AGAP1: variants seen among roughly 807,000 people sequenced by gnomAD.
AGAP1 encodes ArfGAP with GTPase domain, ankyrin repeat and PH domain 1.
A neutral mutation model predicts 105.3 loss-of-function variants in AGAP1; 29 were observed. The ratio of observed to expected loss-of-function variants is 0.28; its 90% CI spans 0.21 to 0.38. AGAP1 has a LOEUF of 0.38. AGAP1 is among the 10% of genes least tolerant of loss of function. AGAP1 has a pLI of 1.00. For synonymous variants in AGAP1, 509 were observed against 485.9 expected (o/e 1.05, Z -0.63); for missense variants, 998 against 1,165.1 (o/e 0.86, Z 2.09).
intron 13 of AGAP1, among the ~76,000 whole-genome samples, chr2:235,999,099 A>AGAGGTG (rs2055954530): frequency 6.9e-6 from 1 of 143,944 alleles, no homozygotes; most frequent in African/African-American, 2.6e-5. Context: ...GATGATGGTG[A>AGAGGTG]GAGGTGGTGG....
chr2:235,564,523 A>G (rs910245216), intron 1 of AGAP1, among the ~76,000 whole-genome samples: 4 of 152,276 alleles, frequency 2.6e-5, no homozygotes, highest in Non-Finnish European at 1.5e-5. Context: ...TCCACTTTTC[A>G]TCCAGTTCAC....
At position 235,904,830 on chromosome 2, in the gene AGAP1, A is replaced by G. The variant is rs531262248; in HGVS notation, c.1156-3908A>G. The stretch of plus-strand genomic sequence containing the variant: ...TTGGGAGGAACTTGAAGCCACAGAT[A>G]CATGTGTCTTTATCTCCCACCTGTG... On this transcript the variant is annotated intron_variant, in intron 10 of 17. Coordinates refer to ENST00000304032, the MANE Select transcript of AGAP1 (RefSeq NM_001037131.3). The surrounding 1 kb of genome is among the most constrained non-coding windows in gnomAD (Gnocchi z 4.2). Among the ~76,000 whole-genome samples, 1 of 152,210 alleles carries G rather than the reference A, an allele frequency of 6.6e-6. No individual in the cohort carries two copies. The highest frequency in any genetic ancestry group is 1.5e-5 in the Non-Finnish European group (1 of 68,040).
intron 1 of AGAP1, among the ~76,000 whole-genome samples, chr2:235,679,261 A>T (rs921737218): frequency 6.6e-6 from 1 of 152,204 alleles, no homozygotes; most frequent in African/African-American, 2.4e-5. Context: ...GCCCAGCACC[A>T]TATCTTTGCT....
At position 236,009,835 on chromosome 2, in the gene AGAP1, G is replaced by A. The variant is rs73121817; in HGVS notation, c.1646-26726G>A. Among the ~76,000 whole-genome samples the A allele has an allele frequency of 0.021, 3,261 of 152,190 alleles. 116 individuals are homozygous for A. Among genetic ancestry groups the A allele is most frequent in the African/African-American group, 0.075 (3,107 of 41,492 alleles). ...TGACGCGCCTTGGACACACAGCCTCGGCGCTGCATCATTTTTTAATCAGCT... is the reference window on the plus strand; with the variant it reads ...TGACGCGCCTTGGACACACAGCCTCAGCGCTGCATCATTTTTTAATCAGCT... On this transcript the variant is annotated intron_variant, in intron 13 of 17. Coordinates refer to ENST00000304032, the MANE Select transcript of AGAP1 (RefSeq NM_001037131.3). This position sits in a 1 kb window ranked among gnomAD's most constrained non-coding sequence, Gnocchi z 4.2.
chr2:235,858,882 C>G (rs1038507493), intron 9 of AGAP1, among the ~76,000 whole-genome samples: 1 of 152,100 alleles, frequency 6.6e-6, no homozygotes, highest in Non-Finnish European at 1.5e-5. Flanking sequence ...CAAATAATAC[C>G]CCTCATAAAT....
chr2:235,978,571 T>A (rs980561314), intron 13 of AGAP1, among the ~76,000 whole-genome samples: 2 of 152,204 alleles, frequency 1.3e-5, no homozygotes, highest in Non-Finnish European at 2.9e-5. Flanking sequence ...TGAATAAAGT[T>A]GAGTAATTTG....
chr2:235,972,586 C>T (rs1393516495), intron 13 of AGAP1, among the ~76,000 whole-genome samples: 1 of 152,200 alleles, frequency 6.6e-6, no homozygotes, highest in Non-Finnish European at 1.5e-5. Flanking sequence ...ACCTGTCCGG[C>T]TGTGGTGACC....
chr2:235,530,468 G>C (rs1204529329), intron 1 of AGAP1, among the ~76,000 whole-genome samples: 2 of 152,204 alleles, frequency 1.3e-5, no homozygotes, highest in East Asian at 1.9e-4. Context: ...CTGGAGGTCA[G>C]ATCCTAATAT....
chr2:235,617,692 A>G (rs1946351000), intron 1 of AGAP1, among the ~76,000 whole-genome samples: 1 of 152,212 alleles, frequency 6.6e-6, no homozygotes, highest in South Asian at 2.1e-4. Flanking sequence ...ACAGACTGAG[A>G]TTCCATCTCA....
Position 235,566,874 on chromosome 2 carries a change from G to T in AGAP1, c.163+72025G>T, listed in dbSNP as rs1325051744. Among the ~76,000 whole-genome samples, 1 of 152,188 alleles carries T rather than the reference G, an allele frequency of 6.6e-6. No homozygotes were observed. The highest frequency in any genetic ancestry group is 2.4e-5 in the African/African-American group (1 of 41,448). On this transcript the variant is annotated intron_variant, in intron 1 of 17. Transcript: ENST00000304032. This position sits in a 1 kb window ranked among gnomAD's most constrained non-coding sequence, Gnocchi z 5.2. ...TGGAGGCCTGAAGCCCAGGATCAAG[G>T]TGTGCCCAGAGCTGTGCTCCCTCCA...
intron 1 of AGAP1, among the ~76,000 whole-genome samples, chr2:235,583,448 C>T (rs1944999803): frequency 6.6e-6 from 1 of 152,108 alleles, no homozygotes; most frequent in African/African-American, 2.4e-5. Context: ...TATGCGGCTG[C>T]TTCAGGCCGG....
At chr2:235,771,766 C>A (rs1399923133) in intron 6 of AGAP1, among the ~76,000 whole-genome samples, 1 of 152,190 alleles carries the variant, frequency 6.6e-6, no homozygotes, top group African/African-American at 2.4e-5. Context: ...TCCCAGCACT[C>A]CTGTCTCTCC....
chr2:235,785,044 A>G (rs551456106), intron 6 of AGAP1, among the ~76,000 whole-genome samples: 25 of 152,326 alleles, frequency 1.6e-4, no homozygotes, highest in Admixed American at 2.6e-4. Context: ...GCACAGGGCC[A>G]CCGCTGCTGG....
intron 6 of AGAP1, among the ~76,000 whole-genome samples, chr2:235,765,905 C>T (rs1954912708): frequency 6.6e-6 from 1 of 152,190 alleles, no homozygotes; most frequent in Admixed American, 6.5e-5. Flanking sequence ...TCTGGCCTGA[C>T]CTCTAGATGT....
In AGAP1 at chr2:236,082,192, G is replaced by A. The variant is rs3768938; in HGVS notation, c.2114+32911G>A. Reference sequence around the variant, plus strand: ...GAACAAACCTATCATTTTTCACCACGGGATATTTACAGCTTCAATCAGTGC... The same window carrying A: ...GAACAAACCTATCATTTTTCACCACAGGATATTTACAGCTTCAATCAGTGC... On this transcript the variant is annotated intron_variant, in intron 16 of 17. Transcript: ENST00000304032. This position sits in a 1 kb window ranked among gnomAD's most constrained non-coding sequence, Gnocchi z 4.2. 3.9e-5 allele frequency among the ~76,000 whole-genome samples: 6 copies of A among 152,238 alleles called. No homozygotes were observed. The East Asian group carries it at 9.7e-4, about 25-fold the overall frequency.
chr2:235,525,819 A>C (rs1439214397), intron 1 of AGAP1, among the ~76,000 whole-genome samples: 1 of 91,654 alleles, frequency 1.1e-5, no homozygotes, highest in Non-Finnish European at 2.2e-5. Flanking sequence ...GGACTGACAC[A>C]TAATGTGGAG....
intron 1 of AGAP1, among the ~76,000 whole-genome samples, chr2:235,516,628 G>A (rs561805456): frequency 3.4e-4 from 51 of 152,214 alleles, no homozygotes; most frequent in Non-Finnish European, 5.6e-4. Flanking sequence ...TCTGGGACCC[G>A]GCAGGAATGT....
chr2:235,562,489 C>T (rs1384665745), intron 1 of AGAP1, among the ~76,000 whole-genome samples: 1 of 152,126 alleles, frequency 6.6e-6, no homozygotes, highest in Non-Finnish European at 1.5e-5. Flanking sequence ...GCTTTCCCTT[C>T]CTGCAGTCAA....
At position 235,813,915 on chromosome 2, in the gene AGAP1, T is replaced by G. The variant is rs1392473503; in HGVS notation, c.1050+6584T>G. On this transcript the variant is annotated intron_variant, in intron 9 of 17. Transcript: ENST00000304032. ...ATGGAGTGGGAAGGTGGTCTTACCC[T>G]GGAGTCGGGCCACTCAGTGGCCGGA... is the stretch of plus-strand genomic sequence containing the variant. Among the ~76,000 whole-genome samples, 3 of 152,324 alleles carry G rather than the reference T, an allele frequency of 2.0e-5. No homozygotes were observed. In the East Asian group the frequency reaches 5.8e-4, roughly 29 times the overall value.
Sources: allele counts gnomAD v4.1 joint callset (sites outside exome capture counted in the v4.1 genomes callset), GRCh38; gene constraint gnomAD v4.1.1; non-coding constraint Gnocchi (gnomAD v3.1); transcripts MANE v1.5; gene names NCBI Gene and HGNC (gene_info 2026-07-23, HGNC 2026-07-21).